SLC37A1: variants seen among roughly 807,000 people sequenced by gnomAD.
The protein encoded by SLC37A1 is solute carrier family 37 member 1, also known as glucose-6-phosphate exchanger SLC37A1.
SLC37A1 carries 49 observed loss-of-function variants against 75.3 expected under a neutral mutation model. That is an observed-to-expected ratio of 0.65 (90% CI 0.52 to 0.83). The LOEUF (loss-of-function observed/expected upper bound fraction) is 0.83. Ranked by LOEUF, SLC37A1 falls within the 40% of genes least tolerant of loss-of-function variation. SLC37A1 has a pLI of 0.00. For synonymous variants in SLC37A1, 268 were observed against 292.1 expected, an observed-to-expected ratio of 0.92 and a Z score of 0.84; for missense variants, 566 against 695.0, an observed-to-expected ratio of 0.81 and a Z score of 2.09.
chr21:42,572,125 C>T (rs2056188232), intron 17 of SLC37A1, among the ~76,000 whole-genome samples: 2 of 152,204 alleles, frequency 1.3e-5, no homozygotes, highest in South Asian at 2.1e-4. Context: ...GCAATGTGGA[C>T]GTGGAAACAC....
chr21:42,562,379 T>C (rs2055852391), intron 12 of SLC37A1, among the ~76,000 whole-genome samples: 1 of 152,234 alleles, frequency 6.6e-6, no homozygotes, highest in African/African-American at 2.4e-5. Context: ...TTATGGGGCT[T>C]CACGGTTGAC....
intron 10 of SLC37A1, among the ~76,000 whole-genome samples, chr21:42,557,194 C>T (rs2055712278): frequency 6.6e-6 from 1 of 152,230 alleles, no homozygotes; most frequent in Non-Finnish European, 1.5e-5. Flanking sequence ...CTGCATTTCA[C>T]CCACTGCTGA....
upstream of SLC37A1, among the ~76,000 whole-genome samples, chr21:42,510,531 T>TC (rs2054423529): frequency 6.6e-6 from 1 of 151,950 alleles, no homozygotes; most frequent in African/African-American, 2.4e-5. Flanking sequence ...TCCTTATCAA[T>TC]AATTAATGTA....
intron 2 of SLC37A1, among the ~76,000 whole-genome samples, chr21:42,508,313 G>A (rs139790026): frequency 6.6e-6 from 1 of 151,940 alleles, no homozygotes; most frequent in Non-Finnish European, 1.5e-5. Context: ...ATTTTTAGTA[G>A]AGACAGGGTT....
intron 11 of SLC37A1, chr21:42,561,811 G>A (rs936832032): frequency 9.3e-6 from 4 of 431,008 alleles, no homozygotes; most frequent in Admixed American, 3.7e-5. Flanking sequence ...GACAGTGGCC[G>A]AGGAGCTGCA....
chr21:42,528,902 G>A (rs577205931), intron 3 of SLC37A1, among the ~76,000 whole-genome samples: 10 of 152,230 alleles, frequency 6.6e-5, no homozygotes, highest in African/African-American at 2.4e-4. Flanking sequence ...TATGTACTAT[G>A]GGTGGGAAAC....
In SLC37A1 at chr21:42,565,816, G is replaced by C. The variant is rs776104698; in HGVS notation, c.1222-11G>C. On this transcript the variant is annotated splice_polypyrimidine_tract_variant and intron_variant, in intron 14 of 19. Coordinates refer to ENST00000352133, the MANE Select transcript of SLC37A1 (RefSeq NM_001320537.2). Reference sequence around the variant, plus strand: ...AGCCATGGCTTTGACCTTGTGTCTTGATGTCCACAGCTCTACATCTTCTCC... The same window carrying C: ...AGCCATGGCTTTGACCTTGTGTCTTCATGTCCACAGCTCTACATCTTCTCC... The C allele has an allele frequency of 1.2e-6, 2 of 1,613,650 alleles. No individual in the cohort carries two copies. Among genetic ancestry groups the C allele is most frequent in the African/African-American group, 1.3e-5 (1 of 75,042 alleles).
chr21:42,539,839 T>C (rs1190371425), intron 6 of SLC37A1, among the ~76,000 whole-genome samples, 192 bp downstream of exon 6: 1 of 152,224 alleles, frequency 6.6e-6, no homozygotes, highest in Non-Finnish European at 1.5e-5. Context: ...ACCAGGAGGT[T>C]TTCCTTAATT....
chr21:42,499,731 C>CT (rs1055255214), exon 1 of SLC37A1: 7 of 152,266 alleles, frequency 4.6e-5, no homozygotes, highest in African/African-American at 1.7e-4. Context: ...TTCCTCTGTA[C>CT]TTCGTTTCTT....
At chr21:42,549,786 C>T (rs1405415784) in intron 9 of SLC37A1, among the ~76,000 whole-genome samples, 1 of 152,188 alleles carries the variant, frequency 6.6e-6, no homozygotes, top group Non-Finnish European at 1.5e-5. Flanking sequence ...GATGTGCTGA[C>T]TTGTTCTGGG....
chr21:42,541,099 C>T (rs2055269191), intron 6 of SLC37A1, among the ~76,000 whole-genome samples: 2 of 152,090 alleles, frequency 1.3e-5, no homozygotes, highest in African/African-American at 4.8e-5. Context: ...ACTGTTCCCC[C>T]TCAGGTCATC....
chr21:42,572,817 C>T (rs2056218143), intron 17 of SLC37A1, among the ~76,000 whole-genome samples: 2 of 152,120 alleles, frequency 1.3e-5, no homozygotes, highest in African/African-American at 4.8e-5. Flanking sequence ...AGGCTCCCTC[C>T]TGCCAGCTTG....
At chr21:42,512,735 AG>A (rs1374865831), upstream of SLC37A1, among the ~76,000 whole-genome samples, 1 of 152,228 alleles carries the variant, frequency 6.6e-6, no homozygotes, top group Non-Finnish European at 1.5e-5. Flanking sequence ...AGAAGTGGGC[AG>A]GTTTTCTTTC....
intron 14 of SLC37A1, 92 bp from the exon 15 acceptor site, chr21:42,565,735 T>A (rs1395146785): frequency 5.8e-6 from 7 of 1,217,260 alleles, no homozygotes; most frequent in Admixed American, 1.8e-5. Flanking sequence ...TGCCTGAGAA[T>A]CACCCGCCGG....
At chr21:42,500,629 T>C (rs2054333263) in intron 1 of SLC37A1, among the ~76,000 whole-genome samples, 2 of 152,236 alleles carry the variant, frequency 1.3e-5, no homozygotes, top group African/African-American at 4.8e-5. Context: ...TCGTTTTCAG[T>C]CGTGTTTTTT....
intron 3 of SLC37A1, among the ~76,000 whole-genome samples, chr21:42,530,403 T>A (rs1013451725): frequency 6.6e-6 from 1 of 152,042 alleles, no homozygotes; most frequent in African/African-American, 2.4e-5. Context: ...CTGTTGTCTG[T>A]GGGGGAGAGC....
chr21:42,503,359 CCTG>C (rs1224693657), intron 2 of SLC37A1, among the ~76,000 whole-genome samples: 1 of 151,018 alleles, frequency 6.6e-6, no homozygotes, highest in Non-Finnish European at 1.5e-5. Context: ...ACGTGATCCT[CCTG>C]CCTCAGCCTC....
chr21:42,526,412 G>A (rs578198792), intron 3 of SLC37A1, among the ~76,000 whole-genome samples: 21 of 152,184 alleles, frequency 1.4e-4, no homozygotes, highest in Non-Finnish European at 2.6e-4. Flanking sequence ...TACGTCACCC[G>A]GCCTGTAGAC....
rs113452629 is a variant in SLC37A1 at position 42,518,336 on chromosome 21, G to A, written c.-119G>A. ...ACCCAGCAGGACACCTTCTTTCCAC[G>A]CTTTCCAGCCTGTGGGAGCGGCAGG... On this transcript the variant is annotated 5_prime_UTR_variant, in exon 2 of 20. Transcript: ENST00000352133. 317 of 1,318,640 alleles carry A rather than the reference G, an allele frequency of 2.4e-4. 3 individuals are homozygous for A. The African/African-American group carries it at 3.6e-3, about 15-fold the overall frequency. The allele number at this position is 1,318,640 out of a possible 1,614,324, so 81.7% of individuals were successfully genotyped here.
Sources: gnomAD v4.1 joint callset for allele counts (sites outside exome capture counted in the v4.1 genomes callset) on GRCh38, gnomAD v4.1.1 for gene constraint, MANE v1.5 for transcripts, NCBI Gene and HGNC (gene_info 2026-07-23, HGNC 2026-07-21) for gene names.